XIRP2: variants seen among roughly 807,000 people sequenced by gnomAD.
The protein encoded by XIRP2 is xin actin-binding repeat-containing protein 2.
Under a neutral mutation model 277.0 loss-of-function variants are expected in XIRP2, and 236 were observed. The observed-to-expected ratio is 0.85, with a 90% CI of 0.77 to 0.95. The LOEUF (loss-of-function observed/expected upper bound fraction) is 0.95. Among genes scored for constraint, XIRP2 ranks in the 40% least tolerant of loss-of-function variants. The pLI is 0.00. For synonymous variants in XIRP2, 1,490 were observed against 1,416.5 expected (o/e 1.05, Z -1.17); for missense variants, 4,640 against 4,157.5 (o/e 1.12, Z -3.19).
chr2:167,071,937 G>A (rs1433450304), intron 2 of XIRP2, among the ~76,000 whole-genome samples: 1 of 152,152 alleles, frequency 6.6e-6, no homozygotes, highest in Non-Finnish European at 1.5e-5. Context: ...TCACCCTACA[G>A]GTGGGGAGAT....
At position 167,136,068 on chromosome 2, in the gene XIRP2, C is replaced by A. The variant is rs746992197; in HGVS notation, c.562+6C>A. The A allele has an allele frequency of 6.9e-6, 11 of 1,589,888 alleles. No individual in the cohort carries two copies. The highest frequency in any genetic ancestry group is 8.5e-6 in the Non-Finnish European group (10 of 1,170,576). On this transcript the variant is annotated splice_donor_region_variant and intron_variant, in intron 3 of 10. Transcript: ENST00000409195. ...TCACAGCCGCATCTTTGAAGGTTAG[C>A]ATAACATTTTGATATGCTTTCTTGA...
chr2:166,998,221 A>T (rs1687276431), intron 2 of XIRP2, among the ~76,000 whole-genome samples: 1 of 152,232 alleles, frequency 6.6e-6, no homozygotes, highest in African/African-American at 2.4e-5. Flanking sequence ...TTACCTAAGT[A>T]GCAAACTGCA....
chr2:166,968,754 T>A (rs1257161576), intron 2 of XIRP2, among the ~76,000 whole-genome samples: 1 of 151,976 alleles, frequency 6.6e-6, no homozygotes, highest in Non-Finnish European at 1.5e-5. Flanking sequence ...GATTTTTTTT[T>A]CTATTTTTTA....
Position 166,895,352 on chromosome 2 carries a change from A to G in XIRP2, c.-19+6795A>G, listed in dbSNP as rs139853499. 2.6e-5 allele frequency among the ~76,000 whole-genome samples: 4 copies of G among 152,256 alleles called. No homozygotes were observed. In the East Asian group the frequency reaches 5.8e-4, roughly 22 times the overall value. On this transcript the variant is annotated intron_variant, in intron 1 of 10. Coordinates refer to ENST00000409195, the MANE Select transcript of XIRP2 (RefSeq NM_152381.6). Reference sequence around the variant, plus strand: ...TCATCCTACCTCAGTCTACCTTGCTACATCTCAGTCTCAATAACTCCACAT... The same window carrying G: ...TCATCCTACCTCAGTCTACCTTGCTGCATCTCAGTCTCAATAACTCCACAT...
intron 2 of XIRP2, among the ~76,000 whole-genome samples, chr2:167,087,608 G>A (rs1446271975): frequency 6.6e-6 from 1 of 152,204 alleles, no homozygotes; most frequent in African/African-American, 2.4e-5. Context: ...CATGGGCGTA[G>A]GACCCTCCGA....
At chr2:167,030,082 T>C (rs1688298022) in intron 2 of XIRP2, among the ~76,000 whole-genome samples, 1 of 152,098 alleles carries the variant, frequency 6.6e-6, no homozygotes, top group South Asian at 2.1e-4. Context: ...TTTTTTATTA[T>C]GTCTATTTGA....
chr2:167,194,741 G>A (rs1038815077), intron 3 of XIRP2, among the ~76,000 whole-genome samples: 4 of 151,940 alleles, frequency 2.6e-5, no homozygotes, highest in African/African-American at 9.7e-5. Flanking sequence ...GATTGACCTT[G>A]GGCAAATTAC....
At chr2:167,160,205 T>A (rs77497826) in intron 3 of XIRP2, among the ~76,000 whole-genome samples, 3,648 of 152,280 alleles carry the variant, frequency 0.024, 59 homozygotes, top group East Asian at 0.048. Flanking sequence ...TTGTTCTCAT[T>A]ATAAATCTAA....
chr2:167,035,672 C>T (rs1688489896), intron 2 of XIRP2, among the ~76,000 whole-genome samples: 1 of 152,188 alleles, frequency 6.6e-6, no homozygotes, highest in African/African-American at 2.4e-5. Flanking sequence ...AACCCATTTT[C>T]TGTGGAGAAA....
rs148168075 is a variant in XIRP2, at chr2:167,162,642, A to T, written c.562+26580A>T. Among the ~76,000 whole-genome samples the T allele has an allele frequency of 2.0e-5, 3 of 152,300 alleles. No individual in the cohort carries two copies. In the East Asian group the frequency reaches 5.8e-4, roughly 29 times the overall value. On this transcript the variant is annotated intron_variant, in intron 3 of 10. Transcript: ENST00000409195. The stretch of plus-strand genomic sequence containing the variant: ...TGAGATTTGGGTGGGGACACAGCCA[A>T]ACCATATCAACCAGTTTAATATTCT...
At position 167,258,815 on chromosome 2, in the gene XIRP2, A is replaced by G. The variant is rs3749005; in HGVS notation, c.*998A>G. On this transcript the variant is annotated 3_prime_UTR_variant, in exon 11 of 11. Coordinates refer to ENST00000409195, the MANE Select transcript of XIRP2 (RefSeq NM_152381.6). ...AATTGAGAAGTTAGAAAATACATCT[A>G]GAATCTCAGAGTTACTTGGTATATT... The G allele has an allele frequency of 0.052, 83,362 of 1,613,050 alleles. 2,452 individuals are homozygous for G. The highest frequency in any genetic ancestry group is 0.09 in the East Asian group (4,053 of 44,818).
intron 3 of XIRP2, among the ~76,000 whole-genome samples, chr2:167,202,277 G>A (rs966483793): frequency 5.3e-5 from 8 of 152,066 alleles, no homozygotes; most frequent in African/African-American, 1.9e-4. Context: ...ATTTAAAAAT[G>A]TTTAAGAGCA....
chr2:167,021,797 C>A (rs934055094), intron 2 of XIRP2, among the ~76,000 whole-genome samples: 3 of 152,048 alleles, frequency 2.0e-5, no homozygotes, highest in South Asian at 2.1e-4. Flanking sequence ...TGTACTCCAG[C>A]CTGGGTGACA....
At chr2:167,055,758 G>C (rs751441484) in intron 2 of XIRP2, among the ~76,000 whole-genome samples, 1 of 152,164 alleles carries the variant, frequency 6.6e-6, no homozygotes, top group African/African-American at 2.4e-5. Context: ...CAAAAAAGTA[G>C]TTAATTGATG....
intron 2 of XIRP2, among the ~76,000 whole-genome samples, chr2:166,976,626 A>G (rs577586999): frequency 6.6e-6 from 1 of 152,276 alleles, no homozygotes; most frequent in African/African-American, 2.4e-5. Flanking sequence ...CAACAGTATA[A>G]CTTCATATGT....
chr2:167,233,045 G>A (rs1025055568), intron 5 of XIRP2, among the ~76,000 whole-genome samples: 8 of 151,898 alleles, frequency 5.3e-5, no homozygotes, highest in African/African-American at 1.7e-4. Flanking sequence ...TATAAATGAG[G>A]CTCATTGGAA....
At chr2:166,911,966 C>T (rs1684717038) in intron 2 of XIRP2, among the ~76,000 whole-genome samples, 1 of 152,188 alleles carries the variant, frequency 6.6e-6, no homozygotes, top group Admixed American at 6.5e-5. Flanking sequence ...AGAGTTTCTG[C>T]CGAGAGATCC....
intron 3 of XIRP2, among the ~76,000 whole-genome samples, chr2:167,176,648 G>T (rs879684441): frequency 4.6e-5 from 7 of 152,080 alleles, no homozygotes; most frequent in Non-Finnish European, 7.4e-5. Flanking sequence ...TAAATATTAT[G>T]CCCTCTCAGT....
chr2:166,909,031 A>G (rs1684621955), intron 2 of XIRP2, among the ~76,000 whole-genome samples: 1 of 152,126 alleles, frequency 6.6e-6, no homozygotes, highest in African/African-American at 2.4e-5. Context: ...CTTGTAGTAT[A>G]GTTTGAAGTC....
Sources: gnomAD v4.1 joint callset for allele counts (sites outside exome capture counted in the v4.1 genomes callset) on GRCh38, gnomAD v4.1.1 for gene constraint, MANE v1.5 for transcripts, NCBI Gene and HGNC (gene_info 2026-07-23, HGNC 2026-07-21) for gene names.